RGL1: variants seen among roughly 807,000 people sequenced by gnomAD.
RGL1 encodes ral guanine nucleotide dissociation stimulator-like 1.
Under a neutral mutation model 95.2 loss-of-function variants are expected in RGL1, and 24 were observed. That is an observed-to-expected ratio of 0.25 (90% confidence interval 0.18 to 0.35). The LOEUF is 0.35. Ranked by LOEUF, RGL1 falls within the 10% of genes least tolerant of loss-of-function variation. The pLI is 1.00. For synonymous variants in RGL1, 329 were observed against 344.9 expected (o/e 0.95, Z 0.51); for missense variants, 715 against 936.3 (o/e 0.76, Z 3.08).
intron 1 of RGL1, among the ~76,000 whole-genome samples, chr1:183,649,391 C>T (rs1558132975): frequency 6.6e-6 from 1 of 152,176 alleles, no homozygotes; most frequent in Non-Finnish European, 1.5e-5. Context: ...CATGATCTTT[C>T]TTCTCAGAAT....
intron 16 of RGL1, among the ~76,000 whole-genome samples, chr1:183,920,713 A>T (rs1392386528): frequency 6.6e-6 from 1 of 152,230 alleles, no homozygotes; most frequent in Non-Finnish European, 1.5e-5. Flanking sequence ...TCTTCATACT[A>T]TCAAAAACAT....
intron 1 of RGL1, among the ~76,000 whole-genome samples, chr1:183,706,355 G>T (rs184216246): frequency 7.0e-4 from 106 of 152,302 alleles, no homozygotes; most frequent in Admixed American, 1.1e-3. Flanking sequence ...AGCAGAGTAG[G>T]TTGCCCTGGT....
intron 4 of RGL1, among the ~76,000 whole-genome samples, chr1:183,869,690 T>G (rs1666050037): frequency 6.6e-6 from 1 of 152,206 alleles, no homozygotes; most frequent in African/African-American, 2.4e-5. Flanking sequence ...TCTCTTTTTC[T>G]GAAACTATGC....
intron 10 of RGL1, among the ~76,000 whole-genome samples, chr1:183,898,148 AGGTGAGGG>A (rs1368869170): frequency 6.6e-6 from 1 of 152,172 alleles, no homozygotes; most frequent in African/African-American, 2.4e-5. Flanking sequence ...TGTTTTCTGA[AGGTGAGGG>A]GGAGTCTACA....
intron 1 of RGL1, among the ~76,000 whole-genome samples, chr1:183,673,936 C>T (rs1652647982): frequency 6.6e-6 from 1 of 152,136 alleles, no homozygotes; most frequent in Admixed American, 6.5e-5. Flanking sequence ...TTGTCTTAAT[C>T]CATCTGGTCT....
At chr1:183,774,034 A>G (rs1558199329) in intron 2 of RGL1, among the ~76,000 whole-genome samples, 3 of 152,330 alleles carry the variant, frequency 2.0e-5, no homozygotes, top group African/African-American at 7.2e-5. Flanking sequence ...TGCTGACAGT[A>G]TTGTCACAAC....
At chr1:183,812,674 G>C (rs1055538956) in intron 2 of RGL1, among the ~76,000 whole-genome samples, 13 of 152,236 alleles carry the variant, frequency 8.5e-5, no homozygotes, top group Non-Finnish European at 1.5e-5. Context: ...AAATGCGAGT[G>C]ACAGGTGGGC....
At chr1:183,869,545 A>C (rs1666040068) in intron 4 of RGL1, among the ~76,000 whole-genome samples, 1 of 152,210 alleles carries the variant, frequency 6.6e-6, no homozygotes, top group Admixed American at 6.5e-5. Flanking sequence ...TCTGTCCTAC[A>C]GATTCTGGAA....
chr1:183,681,711 C>A (rs1490017788), intron 1 of RGL1, among the ~76,000 whole-genome samples: 1 of 152,100 alleles, frequency 6.6e-6, no homozygotes, highest in African/African-American at 2.4e-5. Context: ...CGGAGGAGTT[C>A]CTCTCTTTCT....
chr1:183,691,034 T>C (rs552767830), intron 1 of RGL1, among the ~76,000 whole-genome samples: 5 of 152,240 alleles, frequency 3.3e-5, no homozygotes, highest in African/African-American at 9.6e-5. Context: ...ATAAATTAAA[T>C]TTTGGAACTT....
chr1:183,659,275 T>C (rs1651431694), intron 1 of RGL1, among the ~76,000 whole-genome samples: 1 of 152,088 alleles, frequency 6.6e-6, no homozygotes, highest in South Asian at 2.1e-4. Context: ...CAGGAGGAAA[T>C]TCAAACCAAA....
rs546528876 is a variant in RGL1, at chr1:183,672,131, C to T, written c.-33+35630C>T. On this transcript the variant is annotated intron_variant, in intron 1 of 18. Coordinates refer to the RGL1 transcript ENST00000304685. Reference sequence around the variant, plus strand: ...TATTTTTAGTAGAGATGGGGTTTCGCCATGTTGGCCAGGCTGGTTTCAAAC... The same window carrying T: ...TATTTTTAGTAGAGATGGGGTTTCGTCATGTTGGCCAGGCTGGTTTCAAAC... Among the ~76,000 whole-genome samples, 76 of 152,134 alleles carry T rather than the reference C, an allele frequency of 5.0e-4. 1 individual carries two copies. The highest frequency in any genetic ancestry group is 1.7e-3 in the African/African-American group (70 of 41,514).
At chr1:183,884,972 G>C (rs1572552395) in intron 7 of RGL1, 34 bp downstream of exon 7, 1 of 1,573,644 alleles carries the variant, frequency 6.4e-7, no homozygotes, top group Admixed American at 1.7e-5. Context: ...CTTTGTGTTT[G>C]GTAGATGCAA....
At chr1:183,909,897 A>G (rs1358920258) in intron 14 of RGL1, among the ~76,000 whole-genome samples, 2 of 151,946 alleles carry the variant, frequency 1.3e-5, no homozygotes, top group Non-Finnish European at 2.9e-5. Context: ...GAAAGTCTTT[A>G]TTTTGCCCTC....
intron 11 of RGL1, among the ~76,000 whole-genome samples, chr1:183,901,383 A>G (rs1668014715): frequency 6.6e-6 from 1 of 152,146 alleles, no homozygotes. Context: ...ACTACTCTGG[A>G]GGCTGAGGCA....
chr1:183,925,344 G>A (rs908996989), intron 17 of RGL1, among the ~76,000 whole-genome samples: 1 of 152,104 alleles, frequency 6.6e-6, no homozygotes, highest in African/African-American at 2.4e-5. Context: ...GGGGGTTGGG[G>A]AAAAGGGGAG....
At chr1:183,773,704 C>A (rs1659431337) in intron 2 of RGL1, among the ~76,000 whole-genome samples, 1 of 152,210 alleles carries the variant, frequency 6.6e-6, no homozygotes, top group Non-Finnish European at 1.5e-5. Context: ...AGTCTTCCCA[C>A]TCTGATTTAC....
intron 4 of RGL1, among the ~76,000 whole-genome samples, chr1:183,879,428 GT>G (rs1385270075): frequency 6.6e-6 from 1 of 152,166 alleles, no homozygotes; most frequent in Non-Finnish European, 1.5e-5. Flanking sequence ...GTTATAGTTT[GT>G]TAACTAAAAA....
At chr1:183,740,240 T>A (rs1054369118) in intron 1 of RGL1, among the ~76,000 whole-genome samples, 1 of 152,240 alleles carries the variant, frequency 6.6e-6, no homozygotes, top group Non-Finnish European at 1.5e-5. Context: ...CATTTATTAG[T>A]GTGTCCACTC....
Sources: allele counts gnomAD v4.1 joint callset (sites outside exome capture counted in the v4.1 genomes callset), GRCh38; gene constraint gnomAD v4.1.1; transcripts MANE v1.5; gene names NCBI Gene and HGNC (gene_info 2026-07-23, HGNC 2026-07-21).